Variants in PRKRA observed in about 807,000 individuals in gnomAD.
PRKRA encodes protein activator of interferon induced protein kinase EIF2AK2.
In PRKRA, 22 loss-of-function variants were observed where a neutral mutation model predicts 32.4. That is an observed-to-expected ratio of 0.68 (90% CI 0.49 to 0.97). The LOEUF is 0.97. Ranked by LOEUF, PRKRA falls within the 50% of genes least tolerant of loss-of-function variation. The pLI is 0.00. For synonymous variants in PRKRA, 139 were observed against 129.8 expected, an observed-to-expected ratio of 1.07 and a Z score of -0.48; for missense variants, 319 against 375.6, an observed-to-expected ratio of 0.85 and a Z score of 1.25.
intron 3 of PRKRA, chr2:178,447,176 T>C (rs879399269): frequency 2.8e-5 from 7 of 248,376 alleles, no homozygotes; most frequent in Admixed American, 2.5e-4. Context: ...CACACTTTGT[T>C]TTCTTCAATG....
At chr2:178,443,567 C>A (rs925052694) in intron 4 of PRKRA, 183 bp from the exon 5 acceptor site, 2 of 536,400 alleles carry the variant, frequency 3.7e-6, no homozygotes, top group South Asian at 2.0e-5. Flanking sequence ...TATTTTTATA[C>A]CCCAATACCA....
chr2:178,440,260 CTT>C (rs1396522067), intron 6 of PRKRA: 1 of 152,118 alleles, frequency 6.6e-6, no homozygotes, highest in South Asian at 2.1e-4. Context: ...TGTATATAGT[CTT>C]TGATTTTTTT....
chr2:178,431,970 G>A lies in PRKRA; in HGVS notation c.*127C>T. 3 of 1,116,318 alleles carry A rather than the reference G, an allele frequency of 2.7e-6. No individual in the cohort carries two copies. The highest frequency in any genetic ancestry group is 3.9e-6 in the Non-Finnish European group (3 of 762,126). 69.2% of individuals were successfully genotyped at this position (1,116,318 alleles called of 1,614,324 possible). ...CTATGAGGAGATAATTAAATCTGGAGTGTTGATGGAATCTATGAAGAGATT... is the reference window on the plus strand; with the variant it reads ...CTATGAGGAGATAATTAAATCTGGAATGTTGATGGAATCTATGAAGAGATT... On this transcript the variant is annotated 3_prime_UTR_variant, in exon 8 of 8. Coordinates refer to ENST00000325748, the MANE Select transcript of PRKRA (RefSeq NM_003690.5).
chr2:178,450,964 A>T lies in PRKRA; in HGVS notation c.65+2T>A, dbSNP rs1697603778. 1 of 1,561,192 alleles carries T rather than the reference A, an allele frequency of 6.4e-7. No homozygotes were observed. Among genetic ancestry groups the T allele is most frequent in the Non-Finnish European group, 8.6e-7 (1 of 1,158,898 alleles). ...TGGGGCCCTGACTGCCCGCACGCTG[A>T]CCTGAAGGTCCCACTGTCCTCGCGC... is the stretch of plus-strand genomic sequence containing the variant. On this transcript the variant is annotated splice_donor_variant, in intron 1 of 7. Coordinates refer to ENST00000325748, the MANE Select transcript of PRKRA (RefSeq NM_003690.5). LOFTEE classifies it high-confidence loss of function.
chr2:178,438,635 T>A (rs1378574106), intron 6 of PRKRA, among the ~76,000 whole-genome samples: 1 of 152,092 alleles, frequency 6.6e-6, no homozygotes, highest in African/African-American at 2.4e-5. Flanking sequence ...TTTTTCCAGA[T>A]AAACTTCAAT....
Position 178,450,402 on chromosome 2 carries a change from C to T in PRKRA, c.75G>A (p.Lys25=), listed in dbSNP as rs1697528758. 5 of 1,614,274 alleles carry T rather than the reference C, an allele frequency of 3.1e-6. No individual in the cohort carries two copies. The highest frequency in any genetic ancestry group is 4.2e-6 in the Non-Finnish European group (5 of 1,180,054). The part of the protein sequence containing the change: ...REDSGTFSLG[K]MITAKPGKTP... ...TTTTCCCTGGCTTAGCTGTTATCAT[C>T]TTCCCCAAACTGCAAAAACCACAAA... Residue 25 remains lysine, a synonymous_variant, in exon 2 of 8, where the codon AAG becomes AAA. Transcript: ENST00000325748.
chr2:178,435,383 C>CCA (rs1553595169), intron 7 of PRKRA, among the ~76,000 whole-genome samples: 1 of 61,436 alleles, frequency 1.6e-5, no homozygotes, highest in East Asian at 4.1e-4. Context: ...TACTCCGTCT[C>CCA]AAAAAAAAAA....
intron 4 of PRKRA, chr2:178,443,601 G>T (rs763803590): frequency 8.6e-5 from 40 of 464,028 alleles, no homozygotes; most frequent in Non-Finnish European, 1.4e-4. Flanking sequence ...TTTGTGCTAC[G>T]AATGGTGTTC....
At chr2:178,438,332 A>T (rs539168300) in intron 6 of PRKRA, among the ~76,000 whole-genome samples, 1 of 134,524 alleles carries the variant, frequency 7.4e-6, no homozygotes, top group South Asian at 2.5e-4. Context: ...ATACACATCA[A>T]CAAATATATA....
intron 5 of PRKRA, among the ~76,000 whole-genome samples, chr2:178,442,493 T>C (rs1338327148): frequency 1.3e-5 from 2 of 152,174 alleles, no homozygotes. Context: ...TCTACCTCCA[T>C]GCTTTTGTTT....
intron 2 of PRKRA, among the ~76,000 whole-genome samples, chr2:178,448,858 T>G (rs1239855069): frequency 6.6e-6 from 1 of 152,176 alleles, no homozygotes; most frequent in African/African-American, 2.4e-5. Flanking sequence ...ACATTTCTAC[T>G]GAACTAGGTG....
rs1696663352 is a variant in PRKRA, at chr2:178,431,840, GC to G, written c.*256del. 1.9e-6 allele frequency: 1 copy of G among 520,714 alleles called. No individual in the cohort carries two copies. The highest frequency in any genetic ancestry group is 2.2e-5 in the South Asian group (1 of 46,180). The allele number at this position is 520,714 out of a possible 1,614,324, so 32.3% of individuals were successfully genotyped here. On this transcript the variant is annotated 3_prime_UTR_variant, in exon 8 of 8. Coordinates refer to ENST00000325748, the MANE Select transcript of PRKRA (RefSeq NM_003690.5). ...AACATGCAGTTTCTTTCTCTGATGT[GC>G]ATGGCACTGTAAAATGGGTGCTACA...
chr2:178,444,041 C>A, intron 4 of PRKRA: 2 of 177,828 alleles, frequency 1.1e-5, no homozygotes, highest in Admixed American at 5.5e-5. Flanking sequence ...AGCAAATAGA[C>A]TCCTTTTCTT....
Position 178,431,940 on chromosome 2 carries a change from A to G in PRKRA, c.*157T>C. 2.2e-6 allele frequency: 2 copies of G among 907,294 alleles called. No homozygotes were observed. 56.2% of individuals were successfully genotyped at this position (907,294 alleles called of 1,614,324 possible). ...TTGAAGCCATTAAAAAGAGCTTAAT[A>G]ACAACTATGAGGAGATAATTAAATC... On this transcript the variant is annotated 3_prime_UTR_variant, in exon 8 of 8. Coordinates refer to ENST00000325748, the MANE Select transcript of PRKRA (RefSeq NM_003690.5).
chr2:178,451,159 C>T lies in PRKRA; in HGVS notation c.-129G>A, dbSNP rs892171585. 2.6e-6 allele frequency: 3 copies of T among 1,148,186 alleles called. No individual in the cohort carries two copies. Among genetic ancestry groups the T allele is most frequent in the South Asian group, 1.5e-5 (1 of 64,528 alleles). The allele number at this position is 1,148,186 out of a possible 1,614,324, so 71.1% of individuals were successfully genotyped here. A position where few individuals can be genotyped will look rare whatever the true frequency, so the allele number is the denominator to read the frequency against. ...CTCCGACTCCCCCGCCTCCTGCTTG[C>T]GTTGCTCCAGCGAGGGGGCAGGCAG... On this transcript the variant is annotated 5_prime_UTR_variant, in exon 1 of 8. Coordinates refer to ENST00000325748, the MANE Select transcript of PRKRA (RefSeq NM_003690.5).
intron 3 of PRKRA, among the ~76,000 whole-genome samples, chr2:178,447,081 C>T (rs1198904740): frequency 2.0e-5 from 3 of 149,048 alleles, no homozygotes; most frequent in East Asian, 4.0e-4. Context: ...TTTTGGTATA[C>T]ATTATATAAT....
rs768278123 is a variant in PRKRA at position 178,432,162 on chromosome 2, T to G, written c.877A>C (p.Asn293His). The change falls in exon 8 of 8, where the codon AAT (asparagine) becomes CAT (histidine). Residue 293 changes from asparagine to histidine, a missense_variant. Transcript: ENST00000325748. ...TTGTGAGCTGCATCACTTTGTGCAT[T>G]GCCACAGGAGATACCGGAGCCATGA... ...VCHGSGISCG[N>H]AQSDAAHNAL... 6.2e-7 allele frequency: 1 copy of G among 1,614,252 alleles called. No homozygotes were observed. Among genetic ancestry groups the G allele is most frequent in the South Asian group, 1.1e-5 (1 of 91,090 alleles).
chr2:178,447,462 C>CA (rs1559358559), intron 3 of PRKRA, 43 bp downstream of exon 3: 1 of 1,306,196 alleles, frequency 7.7e-7, no homozygotes, highest in Non-Finnish European at 1.0e-6. Context: ...TTACCTCAGC[C>CA]ATGATATTTT....
chr2:178,440,981 G>T (rs1189816189), intron 6 of PRKRA, among the ~76,000 whole-genome samples: 1 of 152,090 alleles, frequency 6.6e-6, no homozygotes, highest in Non-Finnish European at 1.5e-5. Flanking sequence ...AATCACTTAG[G>T]GCTCCTAGAC....
Sources: allele counts gnomAD v4.1 joint callset (sites outside exome capture counted in the v4.1 genomes callset), GRCh38; gene constraint gnomAD v4.1.1; transcripts MANE v1.5; gene names NCBI Gene and HGNC (gene_info 2026-07-23, HGNC 2026-07-21).